CHMP1A: variants seen among roughly 807,000 people sequenced by gnomAD.
CHMP1A encodes VPS46 homolog A.
CHMP1A carries 17 observed loss-of-function variants against 27.0 expected under a neutral mutation model. The observed-to-expected ratio is 0.63, with a 90% confidence interval of 0.43 to 0.95. The LOEUF is 0.95. CHMP1A is among the 40% of genes least tolerant of loss of function. The pLI, the probability that CHMP1A is intolerant of heterozygous loss-of-function variation, is 0.00. For missense variants in CHMP1A, 275 were observed against 264.0 expected (o/e 1.04, Z -0.29); for synonymous variants, 131 against 107.5 (o/e 1.22, Z -1.35).
intron 4 of CHMP1A, among the ~76,000 whole-genome samples, chr16:89,648,786 G>A (rs187735212): frequency 1.0e-5 from 1 of 100,370 alleles, no homozygotes; most frequent in African/African-American, 3.8e-5. Context: ...AGCTACTTGG[G>A]AGGCTGAGGC....
intron 6 of CHMP1A, 22 bp from the exon 7 acceptor site, chr16:89,646,109 C>A: frequency 6.5e-7 from 1 of 1,530,526 alleles, no homozygotes; most frequent in Non-Finnish European, 8.8e-7. Flanking sequence ...CAACAGGACT[C>A]GGGTCAGGGC....
intron 1 of CHMP1A, among the ~76,000 whole-genome samples, chr16:89,654,336 A>C (rs2059847548): frequency 6.6e-6 from 1 of 152,218 alleles, no homozygotes; most frequent in South Asian, 2.1e-4. Flanking sequence ...TTAAAAGTTC[A>C]CCTGTAATCC....
chr16:89,648,620 G>C (rs2059799374), intron 4 of CHMP1A, among the ~76,000 whole-genome samples: 1 of 152,224 alleles, frequency 6.6e-6, no homozygotes, highest in African/African-American at 2.4e-5. Flanking sequence ...GTGACAGTGA[G>C]TGGTTCACGC....
intron 3 of CHMP1A, 163 bp from the exon 4 acceptor site, chr16:89,649,660 C>A: frequency 1.3e-6 from 1 of 781,032 alleles, no homozygotes; most frequent in Non-Finnish European, 2.0e-6. Flanking sequence ...AACGCAAGCT[C>A]CGCCCCCCAG....
intron 2 of CHMP1A, 91 bp from the exon 3 acceptor site, chr16:89,651,737 G>C (rs556605839): frequency 1.6e-6 from 2 of 1,277,270 alleles, no homozygotes; most frequent in East Asian, 2.6e-5. Context: ...GCCCACACCT[G>C]TGCCCACACA....
At chr16:89,655,410 ACC>A (rs1360301272) in intron 1 of CHMP1A, among the ~76,000 whole-genome samples, 1 of 146,026 alleles carries the variant, frequency 6.8e-6, no homozygotes, top group Non-Finnish European at 1.5e-5. Flanking sequence ...GCTTTCCCTC[ACC>A]TCAGCTTTCC....
intron 1 of CHMP1A, among the ~76,000 whole-genome samples, chr16:89,654,769 C>T (rs1414003258): frequency 1.3e-5 from 2 of 152,012 alleles, no homozygotes; most frequent in African/African-American, 2.4e-5. Context: ...GGTAAAAGCC[C>T]GTCTCTACCA....
chr16:89,657,534 G>C, intron 1 of CHMP1A, 48 bp downstream of exon 1: 1 of 1,605,908 alleles, frequency 6.2e-7, no homozygotes, highest in Middle Eastern at 1.7e-4. Context: ...TGGGAGAAGC[G>C]GCCCCGCCCC....
At chr16:89,647,158 G>T in intron 5 of CHMP1A, 45 bp downstream of exon 5, 1 of 1,597,644 alleles carries the variant, frequency 6.3e-7, no homozygotes, top group Non-Finnish European at 8.5e-7. Context: ...GCCCACACAC[G>T]CTCCTTGTCC....
chr16:89,656,854 C>T (rs1052432351), intron 1 of CHMP1A, among the ~76,000 whole-genome samples: 6 of 152,068 alleles, frequency 3.9e-5, no homozygotes, highest in Non-Finnish European at 5.9e-5. Context: ...CGGGAAAGGG[C>T]GCCTGACGCT....
chr16:89,646,108 T>C, intron 6 of CHMP1A, 21 bp from the exon 7 acceptor site: 3 of 1,537,012 alleles, frequency 2.0e-6, no homozygotes, highest in Non-Finnish European at 2.6e-6. Context: ...ACAACAGGAC[T>C]CGGGTCAGGG....
At chr16:89,653,503 G>T (rs139505634) in intron 2 of CHMP1A, among the ~76,000 whole-genome samples, 1 of 149,978 alleles carries the variant, frequency 6.7e-6, no homozygotes, top group East Asian at 2.0e-4. Flanking sequence ...GGCGCCTGTA[G>T]TCCCAGCTAC....
chr16:89,651,609 G>T lies in CHMP1A; in HGVS notation c.65C>A (p.Ala22Glu). The change falls in exon 3 of 7, where the codon GCG (alanine) becomes GAG (glutamate). Residue 22 changes from alanine (A) to glutamate (E), a missense_variant. By Grantham distance (107) the Ala-to-Glu change is moderately radical (BLOSUM62 -1). Transcript: ENST00000397901. ...AKQLEKLAKK[A>E]EKDSKAEQAK... ...CTGCTCCGCCTTGGAGTCCTTCTCC[G>T]CCTTCTTGGCCAGCTTCTCCAGCTG... is the stretch of plus-strand genomic sequence containing the variant. The T allele has an allele frequency of 6.2e-7, 1 of 1,613,640 alleles. No homozygotes were observed.
chr16:89,652,551 G>A (rs969518020), intron 2 of CHMP1A, among the ~76,000 whole-genome samples: 14 of 136,472 alleles, frequency 1.0e-4, no homozygotes, highest in South Asian at 2.6e-4. Context: ...AACCACAGAC[G>A]CCCTGGTACC....
chr16:89,647,538 C>CGGTGG (rs1568000185), intron 4 of CHMP1A, among the ~76,000 whole-genome samples: 28 of 147,940 alleles, frequency 1.9e-4, no homozygotes, highest in African/African-American at 6.9e-4. Context: ...AGTGCGGGGT[C>CGGTGG]AGTGGAGAAA....
At chr16:89,651,680 T>A (rs781407218) in intron 2 of CHMP1A, 34 bp from the exon 3 acceptor site, 1 of 1,608,380 alleles carries the variant, frequency 6.2e-7, no homozygotes, top group Non-Finnish European at 8.5e-7. Flanking sequence ...GGGTCAGACA[T>A]GCGGAGCCCA....
At chr16:89,656,168 G>C (rs1597793916) in intron 1 of CHMP1A, among the ~76,000 whole-genome samples, 1 of 152,232 alleles carries the variant, frequency 6.6e-6, no homozygotes, top group Non-Finnish European at 1.5e-5. Context: ...ACGGAGTCTC[G>C]CTCTGTCGCC....
intron 3 of CHMP1A, chr16:89,649,701 G>A (rs1016131177): frequency 9.3e-5 from 53 of 569,048 alleles, no homozygotes; most frequent in Middle Eastern, 9.2e-4. Context: ...TCAGCCTCCC[G>A]AGTAGTTGGG....
chr16:89,652,724 A>G (rs918300359), intron 2 of CHMP1A, among the ~76,000 whole-genome samples: 2 of 152,236 alleles, frequency 1.3e-5, no homozygotes, highest in African/African-American at 4.8e-5. Context: ...AGCAACTGAC[A>G]GGCCCACCGT....
Sources: allele counts gnomAD v4.1 joint callset (sites outside exome capture counted in the v4.1 genomes callset), GRCh38; gene constraint gnomAD v4.1.1; transcripts MANE v1.5; gene names NCBI Gene and HGNC (gene_info 2026-07-23, HGNC 2026-07-21).